B3GLCT: variants seen among roughly 807,000 people sequenced by gnomAD.
B3GLCT encodes beta 3-glucosyltransferase.
B3GLCT carries 65 observed loss-of-function variants against 63.4 expected under a neutral mutation model. The ratio of observed to expected loss-of-function variants is 1.03; its 90% CI spans 0.84 to 1.26. B3GLCT has a LOEUF of 1.26. Ranked by LOEUF, B3GLCT falls within the 50% of genes most tolerant of loss-of-function variation. The pLI is 0.00. For missense variants in B3GLCT, 577 were observed against 604.8 expected (o/e 0.95, Z 0.48); for synonymous variants, 233 against 219.2 (o/e 1.06, Z -0.55).
At chr13:31,258,966 C>T (rs1871879681) in intron 6 of B3GLCT, among the ~76,000 whole-genome samples, 1 of 152,102 alleles carries the variant, frequency 6.6e-6, no homozygotes, top group Non-Finnish European at 1.5e-5. Flanking sequence ...CTCTTTTCTT[C>T]CCTTTTTTTT....
chr13:31,243,412 C>T (rs1019578394), intron 4 of B3GLCT, among the ~76,000 whole-genome samples: 2 of 152,130 alleles, frequency 1.3e-5, no homozygotes, highest in Non-Finnish European at 2.9e-5. Flanking sequence ...TGGTTCAAAA[C>T]CAAATCTGCT....
intron 12 of B3GLCT, among the ~76,000 whole-genome samples, chr13:31,314,142 C>T (rs1423210298): frequency 6.6e-6 from 1 of 152,170 alleles, no homozygotes; most frequent in Non-Finnish European, 1.5e-5. Context: ...TGCAGGATAG[C>T]GGCCCTCATG....
rs764406422 is a variant in B3GLCT, at chr13:31,261,094, T to C, written c.596+12T>C. On this transcript the variant is annotated intron_variant, in intron 7 of 14. Transcript: ENST00000343307. ...CCACTTGTAAACAAGTAAGAATTTA[T>C]TGGAATTTTTTCGGGGGGCGGGAGG... 5.6e-6 allele frequency: 9 copies of C among 1,610,468 alleles called. No individual in the cohort carries two copies. The highest frequency in any genetic ancestry group is 5.5e-5 in the South Asian group (5 of 90,832).
chr13:31,322,898 CA>C (rs1449340854), intron 13 of B3GLCT, among the ~76,000 whole-genome samples: 4 of 152,168 alleles, frequency 2.6e-5, no homozygotes, highest in African/African-American at 9.7e-5. Flanking sequence ...CACTCAGCCA[CA>C]AAAAATGTGG....
At chr13:31,230,126 T>C (rs1241691868) in intron 4 of B3GLCT, among the ~76,000 whole-genome samples, 2 of 152,130 alleles carry the variant, frequency 1.3e-5, no homozygotes, top group Admixed American at 6.5e-5. Flanking sequence ...AATGTAATAT[T>C]CCAGAAGGAT....
chr13:31,299,325 T>C (rs898754688), intron 12 of B3GLCT, among the ~76,000 whole-genome samples: 9 of 152,192 alleles, frequency 5.9e-5, no homozygotes, highest in African/African-American at 2.2e-4. Context: ...GGCTGTACAG[T>C]GTGTTCCTTG....
rs1186003077 is a variant in B3GLCT at position 31,329,551 on chromosome 13, A to T, written c.1380A>T (p.Ile460=). The T allele has an allele frequency of 1.2e-6, 2 of 1,614,194 alleles. No individual in the cohort carries two copies. Among genetic ancestry groups the T allele is most frequent in the Non-Finnish European group, 1.7e-6 (2 of 1,180,038 alleles). Reference sequence around the variant, plus strand: ...ACTACCTTTCTCATCAAGTTCCCATATCGTTCCACAAACACTGGAACATCG... The same window carrying T: ...ACTACCTTTCTCATCAAGTTCCCATTTCGTTCCACAAACACTGGAACATCG... ...PKDYLSHQVP[I]SFHKHWNIDP... Residue 460 remains isoleucine (I), a synonymous_variant, in exon 15 of 15, where the codon ATA becomes ATT. Coordinates refer to ENST00000343307, the MANE Select transcript of B3GLCT (RefSeq NM_194318.4).
At chr13:31,276,795 A>C (rs1379721890) in intron 10 of B3GLCT, 24 bp downstream of exon 10, 1 of 1,546,148 alleles carries the variant, frequency 6.5e-7, no homozygotes, top group Non-Finnish European at 8.9e-7. Context: ...TATTCATTTT[A>C]TTGAACGCTA....
At chr13:31,233,307 A>G (rs1870474795) in intron 4 of B3GLCT, among the ~76,000 whole-genome samples, 2 of 152,186 alleles carry the variant, frequency 1.3e-5, no homozygotes, top group Non-Finnish European at 2.9e-5. Context: ...GAAAAATATG[A>G]TGTTATGAAT....
intron 10 of B3GLCT, among the ~76,000 whole-genome samples, chr13:31,281,100 T>C (rs113504544): frequency 3.3e-5 from 5 of 152,326 alleles, no homozygotes; most frequent in African/African-American, 1.2e-4. Context: ...GCAGTTTGTG[T>C]ACATGTCTCA....
At chr13:31,217,585 A>G (rs1304086322) in intron 2 of B3GLCT, among the ~76,000 whole-genome samples, 1 of 152,158 alleles carries the variant, frequency 6.6e-6, no homozygotes, top group Admixed American at 6.5e-5. Flanking sequence ...TTTACATGTA[A>G]GTCTTTAATT....
intron 12 of B3GLCT, among the ~76,000 whole-genome samples, chr13:31,302,470 G>A (rs1384071368): frequency 2.9e-5 from 4 of 138,698 alleles, no homozygotes; most frequent in Admixed American, 2.2e-4. Flanking sequence ...GTGTGTGTGC[G>A]CACCGTGCGC....
intron 12 of B3GLCT, among the ~76,000 whole-genome samples, chr13:31,299,350 C>T (rs1430782719): frequency 1.3e-5 from 2 of 152,132 alleles, no homozygotes; most frequent in Non-Finnish European, 2.9e-5. Flanking sequence ...GAAGAAATGA[C>T]GATTGGCCAT....
rs549261600 is a variant in B3GLCT at position 31,207,377 on chromosome 13, A to G, written c.70+7223A>G. Among the ~76,000 whole-genome samples, 5 of 151,412 alleles carry G rather than the reference A, an allele frequency of 3.3e-5. No homozygotes were observed. In the South Asian group the frequency reaches 1.0e-3, roughly 32 times the overall value. On this transcript the variant is annotated intron_variant, in intron 1 of 14. Transcript: ENST00000343307. ...ACCAGGGATTTTTCTGACCCTTCCTATGACTTAGGCTATGGAACATGCTAG... is the reference window on the plus strand; with the variant it reads ...ACCAGGGATTTTTCTGACCCTTCCTGTGACTTAGGCTATGGAACATGCTAG...
Position 31,263,559 on chromosome 13 carries a change from C to T in B3GLCT, c.596+2477C>T, listed in dbSNP as rs2137835040. Reference sequence around the variant, plus strand: ...CTTTGTTGGCTCTGGCTAGTGCTCACCTCATTACTGTCTCATGCTCACCAC... The same window carrying T: ...CTTTGTTGGCTCTGGCTAGTGCTCATCTCATTACTGTCTCATGCTCACCAC... On this transcript the variant is annotated intron_variant, in intron 7 of 14. Transcript: ENST00000343307. 2.0e-5 allele frequency among the ~76,000 whole-genome samples: 3 copies of T among 152,288 alleles called. No individual in the cohort carries two copies. In the Middle Eastern group the frequency reaches 0.01, roughly 518 times the overall value.
chr13:31,292,585 A>G (rs887290273), intron 12 of B3GLCT, among the ~76,000 whole-genome samples: 1 of 152,024 alleles, frequency 6.6e-6, no homozygotes, highest in Admixed American at 6.6e-5. Flanking sequence ...TAGATTTTCT[A>G]GTTTATTTGT....
At chr13:31,283,721 C>A (rs1873180764) in intron 10 of B3GLCT, among the ~76,000 whole-genome samples, 2 of 152,176 alleles carry the variant, frequency 1.3e-5, no homozygotes, top group South Asian at 4.1e-4. Context: ...TTAAATTTTA[C>A]ATTGGAACAT....
At chr13:31,279,634 G>T (rs1170123901) in intron 10 of B3GLCT, among the ~76,000 whole-genome samples, 1 of 152,064 alleles carries the variant, frequency 6.6e-6, no homozygotes, top group Non-Finnish European at 1.5e-5. Flanking sequence ...ACAGGACCAG[G>T]GCGAAATTAA....
chr13:31,255,825 T>G (rs1440840514), intron 6 of B3GLCT, among the ~76,000 whole-genome samples: 1 of 152,144 alleles, frequency 6.6e-6, no homozygotes, highest in African/African-American at 2.4e-5. Flanking sequence ...ATGTGAGACC[T>G]AAAACCATAA....
Sources: allele counts gnomAD v4.1 joint callset (sites outside exome capture counted in the v4.1 genomes callset), GRCh38; gene constraint gnomAD v4.1.1; transcripts MANE v1.5; gene names NCBI Gene and HGNC (gene_info 2026-07-23, HGNC 2026-07-21).